The following ABTB3 variants were observed in gnomAD, a reference collection of about 807,000 sequenced individuals.
ABTB3 encodes ankyrin repeat and BTB domain containing 3.
the ABTB3 span, among the ~76,000 whole-genome samples, chr12:107,375,732 G>A: frequency 1.3e-5 from 2 of 152,152 alleles, no homozygotes; most frequent in Non-Finnish European, 2.9e-5. Flanking sequence ...CTTGGTTTCT[G>A]TGATCCCCTC....
chr12:107,464,984 G>T, the ABTB3 span, among the ~76,000 whole-genome samples: 1 of 151,330 alleles, frequency 6.6e-6, no homozygotes, highest in Non-Finnish European at 1.5e-5. Context: ...ACACCCCAGA[G>T]AATTCTCTTG....
chr12:107,579,787 A>G, the ABTB3 span, among the ~76,000 whole-genome samples: 1 of 152,216 alleles, frequency 6.6e-6, no homozygotes, highest in African/African-American at 2.4e-5. Context: ...AGCCTCCTTC[A>G]GTTTTGCACC....
chr12:107,638,620 T>G, the ABTB3 span, among the ~76,000 whole-genome samples: 1 of 152,306 alleles, frequency 6.6e-6, no homozygotes, highest in East Asian at 1.9e-4. Flanking sequence ...AGTCAAGGCG[T>G]TCTTTCATTC....
chr12:107,482,350 C>T, the ABTB3 span, among the ~76,000 whole-genome samples: 5 of 152,154 alleles, frequency 3.3e-5, no homozygotes, highest in African/African-American at 7.2e-5. Flanking sequence ...AGAGGATAGT[C>T]CAGGGCTAAG....
the ABTB3 span, among the ~76,000 whole-genome samples, chr12:107,627,684 T>C: frequency 6.6e-6 from 1 of 152,156 alleles, no homozygotes; most frequent in African/African-American, 2.4e-5. Flanking sequence ...CCAAGTCAGG[T>C]GCAGTCATGG....
At chr12:107,586,706 C>A in the ABTB3 span, among the ~76,000 whole-genome samples, 1 of 152,172 alleles carries the variant, frequency 6.6e-6, no homozygotes. Flanking sequence ...AGACAGGCCG[C>A]GGAGCCTGCT....
the ABTB3 span, among the ~76,000 whole-genome samples, chr12:107,580,041 G>A: frequency 4.9e-3 from 743 of 152,248 alleles, 5 homozygotes; most frequent in Middle Eastern, 0.01. Flanking sequence ...AATGTCGTCC[G>A]CAGACCAGTA....
the ABTB3 span, among the ~76,000 whole-genome samples, chr12:107,483,234 G>A: frequency 6.6e-6 from 1 of 152,084 alleles, no homozygotes; most frequent in East Asian, 1.9e-4. Flanking sequence ...GGAGAGATGG[G>A]ATTTTGCCAT....
the ABTB3 span, among the ~76,000 whole-genome samples, chr12:107,379,915 G>A: frequency 0.31 from 46,735 of 152,062 alleles, 7,256 homozygotes; most frequent in African/African-American, 0.34. Flanking sequence ...TTAACTGAAC[G>A]ATGGGCTTAT....
At chr12:107,409,540 A>G in the ABTB3 span, among the ~76,000 whole-genome samples, 1 of 152,250 alleles carries the variant, frequency 6.6e-6, no homozygotes. Flanking sequence ...AAGGAATGAG[A>G]TCATGTCCTT....
the ABTB3 span, among the ~76,000 whole-genome samples, chr12:107,476,413 G>T: frequency 6.6e-6 from 1 of 152,142 alleles, no homozygotes; most frequent in Non-Finnish European, 1.5e-5. Context: ...GGTATTAGGA[G>T]ACCTGGATTT....
At chr12:107,559,374 AG>A in the ABTB3 span, among the ~76,000 whole-genome samples, 2 of 152,048 alleles carry the variant, frequency 1.3e-5, no homozygotes, top group South Asian at 2.1e-4. Flanking sequence ...GCCAACACTC[AG>A]GGGGAAAAAA....
the ABTB3 span, among the ~76,000 whole-genome samples, chr12:107,475,632 G>A: frequency 2.1e-4 from 32 of 152,240 alleles, no homozygotes; most frequent in African/African-American, 7.0e-4. Context: ...AGCTTCTCTG[G>A]GCTCAGCTGA....
At chr12:107,558,391 C>G in the ABTB3 span, among the ~76,000 whole-genome samples, 1 of 152,218 alleles carries the variant, frequency 6.6e-6, no homozygotes, top group African/African-American at 2.4e-5. Context: ...CCAGGATGCC[C>G]TGTCTGCGCT....
chr12:107,637,949 G>C, the ABTB3 span, among the ~76,000 whole-genome samples: 1 of 151,954 alleles, frequency 6.6e-6, no homozygotes, highest in Admixed American at 6.6e-5. Context: ...GATGAACAGT[G>C]GGTGTGATAG....
At chr12:107,498,609 A>G in the ABTB3 span, among the ~76,000 whole-genome samples, 1 of 152,172 alleles carries the variant, frequency 6.6e-6, no homozygotes, top group Non-Finnish European at 1.5e-5. Flanking sequence ...TCGTCTTTAA[A>G]GCCCACAACG....
At chr12:107,610,238 C>T in the ABTB3 span, 9 of 1,614,180 alleles carry the variant, frequency 5.6e-6, no homozygotes, top group Admixed American at 1.7e-5. Context: ...CGGTGGCCAT[C>T]GAAGCCAAGT....
chr12:107,593,071 TACTC>T, the ABTB3 span, among the ~76,000 whole-genome samples: 6 of 152,352 alleles, frequency 3.9e-5, no homozygotes, highest in South Asian at 1.0e-3. Flanking sequence ...TTTAAAAAGA[TACTC>T]AGTGCTTTTC....
At chr12:107,523,576 CTTTT>C in the ABTB3 span, among the ~76,000 whole-genome samples, 1 of 151,704 alleles carries the variant, frequency 6.6e-6, no homozygotes, top group African/African-American at 2.4e-5. Context: ...TTCTTTTTTT[CTTTT>C]TTAATTAGCA....
Sources: gnomAD v4.1 joint callset for allele counts (sites outside exome capture counted in the v4.1 genomes callset) on GRCh38, gnomAD v4.1.1 for gene constraint, MANE v1.5 for transcripts, NCBI Gene and HGNC (gene_info 2026-07-23, HGNC 2026-07-21) for gene names.